MYO16: variants seen among roughly 807,000 people sequenced by gnomAD.
The protein encoded by MYO16 is myosin XVI, also known as unconventional myosin-XVI.
A neutral mutation model predicts 205.3 loss-of-function variants in MYO16; 94 were observed. The observed-to-expected ratio is 0.46, with a 90% CI of 0.39 to 0.54. The LOEUF is 0.54. MYO16 is among the 20% of genes least tolerant of loss of function. MYO16 has a pLI of 0.00. For missense variants in MYO16, 2,315 were observed against 2,387.5 expected, an observed-to-expected ratio of 0.97 and a Z score of 0.63; for synonymous variants, 988 against 954.0, an observed-to-expected ratio of 1.04 and a Z score of -0.66.
At chr13:109,094,823 T>C (rs563105513) in intron 27 of MYO16, among the ~76,000 whole-genome samples, 111 of 152,366 alleles carry the variant, frequency 7.3e-4, no homozygotes, top group Non-Finnish European at 1.1e-3. Context: ...GCAAAGGACA[T>C]GAATTCATGC....
intron 32 of MYO16, among the ~76,000 whole-genome samples, chr13:109,152,586 A>G (rs540476761): frequency 8.8e-4 from 134 of 152,296 alleles, no homozygotes; most frequent in African/African-American, 3.1e-3. Flanking sequence ...CGTCTTTTTA[A>G]TCTGATGATC....
chr13:108,702,828 A>C (rs900427000), intron 2 of MYO16, among the ~76,000 whole-genome samples: 4 of 152,140 alleles, frequency 2.6e-5, no homozygotes, highest in Non-Finnish European at 5.9e-5. Context: ...ATAACAGCAA[A>C]GTTTTTGTAC....
chr13:108,933,441 G>T (rs976590828), intron 16 of MYO16, among the ~76,000 whole-genome samples: 2 of 151,850 alleles, frequency 1.3e-5, no homozygotes, highest in Admixed American at 6.6e-5. Context: ...GTATACAGTG[G>T]ACTTAGGTTA....
chr13:108,537,782 T>C, the MYO16 span, among the ~76,000 whole-genome samples: 1 of 152,110 alleles, frequency 6.6e-6, no homozygotes, highest in African/African-American at 2.4e-5. Flanking sequence ...ATTTTTTTCC[T>C]GTGTTTTCCA....
intron 12 of MYO16, among the ~76,000 whole-genome samples, chr13:108,870,786 G>T (rs1403223777): frequency 6.6e-6 from 1 of 151,470 alleles, no homozygotes; most frequent in African/African-American, 2.4e-5. Context: ...AATTTATTTG[G>T]GTATAATTTG....
chr13:108,899,794 C>G (rs1300251901), intron 15 of MYO16, among the ~76,000 whole-genome samples: 1 of 152,196 alleles, frequency 6.6e-6, no homozygotes. Context: ...ATTGAAAGCT[C>G]CGTGTTCCAG....
chr13:108,648,785 A>G (rs1880867623), intron 1 of MYO16, among the ~76,000 whole-genome samples: 1 of 152,054 alleles, frequency 6.6e-6, no homozygotes, highest in South Asian at 2.1e-4. Flanking sequence ...ACAAAAGGGA[A>G]TGTATTGGCT....
At chr13:109,096,973 T>C (rs1888797915) in intron 27 of MYO16, among the ~76,000 whole-genome samples, 1 of 152,216 alleles carries the variant, frequency 6.6e-6, no homozygotes, top group Non-Finnish European at 1.5e-5. Flanking sequence ...TGTACAGTTA[T>C]ATCACTTGTC....
intron 16 of MYO16, among the ~76,000 whole-genome samples, chr13:108,911,034 A>AACACACACACACACACAC (rs113296282): frequency 3.6e-5 from 5 of 138,448 alleles, no homozygotes; most frequent in African/African-American, 1.4e-4. Flanking sequence ...TATAGGAGAA[A>AACACACACACACACACAC]ACACACACAC....
chr13:108,997,316 GAAAGAAAGAAAGAAAGAAAGAA>G (rs528357828), intron 21 of MYO16, among the ~76,000 whole-genome samples: 727 of 4,596 alleles, frequency 0.16, 12 homozygotes, highest in East Asian at 0.26. Context: ...AAGAAAGAAA[GAAAGAAAGAAAGAAAGAAAGAA>G]AGAGAGAGAG....
intron 4 of MYO16, among the ~76,000 whole-genome samples, chr13:108,746,158 A>C (rs964763685): frequency 6.6e-6 from 1 of 152,146 alleles, no homozygotes; most frequent in Non-Finnish European, 1.5e-5. Context: ...GTGCCACTGC[A>C]CTCCAGCCTG....
At chr13:108,868,435 C>T (rs1878835096) in intron 12 of MYO16, among the ~76,000 whole-genome samples, 1 of 152,008 alleles carries the variant, frequency 6.6e-6, no homozygotes, top group South Asian at 2.1e-4. Flanking sequence ...TTTCGTGATG[C>T]GTGTATTTCA....
chr13:109,043,641 G>A (rs1886951162), intron 23 of MYO16, among the ~76,000 whole-genome samples: 1 of 152,142 alleles, frequency 6.6e-6, no homozygotes, highest in Admixed American at 6.5e-5. Flanking sequence ...AAAATAATAA[G>A]TGATGGTTTT....
chr13:108,810,399 G>T (rs775815458), intron 7 of MYO16, among the ~76,000 whole-genome samples: 2 of 149,206 alleles, frequency 1.3e-5, no homozygotes, highest in Admixed American at 1.3e-4. Flanking sequence ...GAGTGTAGAT[G>T]AGGCTTTTGT....
At chr13:108,840,092 G>A (rs1224642819) in intron 9 of MYO16, among the ~76,000 whole-genome samples, 1 of 152,150 alleles carries the variant, frequency 6.6e-6, no homozygotes, top group Non-Finnish European at 1.5e-5. Flanking sequence ...CATCAAACAT[G>A]GTAGTTTTAC....
At chr13:108,835,874 G>C (rs408657) in intron 9 of MYO16, among the ~76,000 whole-genome samples, 4,262 of 152,196 alleles carry the variant, frequency 0.028, 195 homozygotes, top group African/African-American at 0.095. Flanking sequence ...GCGTTCAAAA[G>C]GAAACAGAGC....
intron 20 of MYO16, among the ~76,000 whole-genome samples, chr13:108,972,772 T>C (rs7326528): frequency 0.16 from 23,545 of 151,528 alleles, 2,221 homozygotes; most frequent in African/African-American, 0.26. Context: ...TGGTTTGTGG[T>C]TTTTTAGTAT....
At chr13:108,543,273 G>A in the MYO16 span, among the ~76,000 whole-genome samples, 1 of 152,092 alleles carries the variant, frequency 6.6e-6, no homozygotes, top group South Asian at 2.1e-4. Flanking sequence ...ATTGTAAAAT[G>A]CACAGTAATA....
At chr13:108,633,410 G>C (rs1880077351) in intron 1 of MYO16, among the ~76,000 whole-genome samples, 1 of 152,202 alleles carries the variant, frequency 6.6e-6, no homozygotes, top group Non-Finnish European at 1.5e-5. Flanking sequence ...AAAAGCGGAA[G>C]AACTTGGAGT....
Sources: allele counts gnomAD v4.1 joint callset (sites outside exome capture counted in the v4.1 genomes callset), GRCh38; gene constraint gnomAD v4.1.1; transcripts MANE v1.5; gene names NCBI Gene and HGNC (gene_info 2026-07-23, HGNC 2026-07-21).